The following EML3 variants were observed in gnomAD, a reference collection of about 807,000 sequenced individuals.
EML3 encodes the protein EMAP like 3.
In EML3, 53 loss-of-function variants were observed where a neutral mutation model predicts 106.7. That is an observed-to-expected ratio of 0.50 (90% CI 0.40 to 0.62). The LOEUF (loss-of-function observed/expected upper bound fraction) is 0.62, where lower values mean the gene tolerates loss of function less well. Ranked by LOEUF, EML3 falls within the 20% of genes least tolerant of loss-of-function variation. EML3 has a pLI of 0.00. For synonymous variants in EML3, 499 were observed against 489.6 expected, an observed-to-expected ratio of 1.02 and a Z score of -0.25; for missense variants, 994 against 1,209.1, an observed-to-expected ratio of 0.82 and a Z score of 2.64.
chr11:62,609,382 G>A lies in EML3; in HGVS notation c.730C>T (p.Pro244Ser). ...RSLEELPSGP[P>S]PETLSLDWVY... ...CAGTCAAGGCTGAGGGTCTCTGGCG[G>A]TGGGCCACTCGGCAGCTCCTCAAGG... The change falls in exon 6 of 22, where the codon CCG (proline) becomes TCG (serine). Residue 244 changes from proline to serine, a missense_variant. By Grantham distance (74) the Pro-to-Ser change is moderately conservative (BLOSUM62 -1). Transcript: ENST00000394773. 1.3e-6 allele frequency: 2 copies of A among 1,594,256 alleles called. No individual in the cohort carries two copies. The highest frequency in any genetic ancestry group is 1.7e-6 in the Non-Finnish European group (2 of 1,169,818).
At chr11:62,607,542 GAAAA>G in intron 11 of EML3, 120 bp downstream of exon 11, 2 of 950,660 alleles carry the variant, frequency 2.1e-6, no homozygotes, top group Non-Finnish European at 2.9e-6. Context: ...CGTCTCAAAA[GAAAA>G]AAAAAAAAAG....
rs201006138 is a variant in EML3, at chr11:62,607,744, G to T, written c.1284C>A (p.His428Gln). Residue 428 changes from histidine (H) to glutamine (Q), a missense_variant, in exon 11 of 22, where the codon CAC (histidine) becomes CAA (glutamine). Transcript: ENST00000394773. Reference sequence around the variant, plus strand: ...CACCACTCCAATTCCAGAAGTGGACGTGAGATTTCCCACTGGTGACGATGC... The same window carrying T: ...CACCACTCCAATTCCAGAAGTGGACTTGAGATTTCCCACTGGTGACGATGC... ...SSCIVTSGKSHVHFWNWSGGV... is the reference protein window; with the variant it reads ...SSCIVTSGKSQVHFWNWSGGV... 1 of 1,614,024 alleles carries T rather than the reference G, an allele frequency of 6.2e-7. No individual in the cohort carries two copies. Among genetic ancestry groups the T allele is most frequent in the Admixed American group, 1.7e-5 (1 of 60,008 alleles).
rs895955563 is a variant in EML3 at position 62,611,670 on chromosome 11, A to G, written c.23-74T>C. The G allele has an allele frequency of 2.0e-6, 3 of 1,487,334 alleles. No individual in the cohort carries two copies. In the Admixed American group the frequency reaches 6.7e-5, roughly 33 times the overall value. 92.1% of individuals were successfully genotyped at this position (1,487,334 alleles called of 1,614,324 possible). On this transcript the variant is annotated intron_variant, in intron 1 of 21. Transcript: ENST00000394773. ...AGCGTAGAGGGGATTCTGTCTCCCC[A>G]CAACTTTACATGTGTCCGGTAGGAC...
chr11:62,604,250 G>A (rs746979778), intron 16 of EML3, 49 bp from the exon 17 acceptor site: 1 of 1,587,716 alleles, frequency 6.3e-7, no homozygotes. Context: ...AAGGCAGGAT[G>A]TAAGGAGACC....
chr11:62,606,525 C>T (rs960758092), intron 12 of EML3: 1 of 426,798 alleles, frequency 2.3e-6, no homozygotes. Flanking sequence ...CGCTTCTAGA[C>T]TAGCCCCCAA....
At chr11:62,610,253 A>G (rs1372742562) in intron 4 of EML3, among the ~76,000 whole-genome samples, 1 of 152,238 alleles carries the variant, frequency 6.6e-6, no homozygotes, top group African/African-American at 2.4e-5. Context: ...CTGTCGTTAG[A>G]TAACAGTAAA....
intron 16 of EML3, chr11:62,604,738 TTCTGATGTCG>T (rs1365174361): frequency 1.5e-5 from 3 of 196,158 alleles, no homozygotes; most frequent in Non-Finnish European, 1.1e-5. Flanking sequence ...GCTGAGGGGC[TTCTGATGTCG>T]TCTGAAAAAG....
In EML3 at chr11:62,603,953, G is replaced by A; in HGVS notation, c.2160C>T (p.Gly720=). 6 of 1,613,982 alleles carry A rather than the reference G, an allele frequency of 3.7e-6. No homozygotes were observed. Among genetic ancestry groups the A allele is most frequent in the Non-Finnish European group, 5.1e-6 (6 of 1,180,018 alleles). The change falls in exon 18 of 22, where the codon GGC becomes GGT. Residue 720 remains glycine, a synonymous_variant. Transcript: ENST00000394773. ...SSDGAKSSRF[G]RCMGHSSFIT... The stretch of plus-strand genomic sequence containing the variant: ...ACCCCAACTTCCTCACCATACAGCG[G>A]CCAAAGCGGCTGGATTTGGCACCAT...
Position 62,608,486 on chromosome 11 carries a change from C to A in EML3, c.1110+56G>T, listed in dbSNP as rs78138564. 1,317 of 1,548,378 alleles carry A rather than the reference C, an allele frequency of 8.5e-4. 17 individuals are homozygous for A. In the East Asian group the frequency reaches 0.026, roughly 30 times the overall value. On this transcript the variant is annotated intron_variant, in intron 9 of 21. Transcript: ENST00000394773. Reference sequence around the variant, plus strand: ...ACTTCCAAGGCTTCCTGGTGACATGCAAGAGTGGGGTTCCTAGGCAAGAAT... The same window carrying A: ...ACTTCCAAGGCTTCCTGGTGACATGAAAGAGTGGGGTTCCTAGGCAAGAAT...
At chr11:62,612,293 C>T (rs1942870454) in intron 1 of EML3, 143 bp downstream of exon 1, 1 of 800,316 alleles carries the variant, frequency 1.2e-6, no homozygotes, top group Non-Finnish European at 1.9e-6. Flanking sequence ...GGAGGGCGAC[C>T]GGAGGAACTG....
At chr11:62,611,380 G>A (rs1310737442) in intron 2 of EML3, 36 bp from the exon 3 acceptor site, 2 of 1,613,622 alleles carry the variant, frequency 1.2e-6, no homozygotes, top group Non-Finnish European at 1.7e-6. Context: ...TGAAGCCCCA[G>A]AGGCCCCAAG....
rs747950409 is a variant in EML3 at position 62,610,952 on chromosome 11, G to C, written c.493C>G (p.Arg165Gly). The change falls in exon 4 of 22, where the codon CGG (arginine) becomes GGG (glycine). Residue 165 changes from arginine (R) to glycine (G), a missense_variant. Physicochemically the swap from Arg to Gly is moderately radical, Grantham distance 125 (BLOSUM62 -2). Coordinates refer to ENST00000394773, the MANE Select transcript of EML3 (RefSeq NM_153265.3). ...TTCCTGGAGAGCTTCTGCCGAGGCC[G>C]CTCTGAGGGGGATGAGGAGGAGGAA... ...NSSSSSSPSE[R>G]PRQKLSRKAI... 1.9e-6 allele frequency: 3 copies of C among 1,613,632 alleles called. No individual in the cohort carries two copies. The African/African-American group carries it at 4.0e-5, about 22-fold the overall frequency.
At chr11:62,611,680 A>C in intron 1 of EML3, 84 bp from the exon 2 acceptor site, 1 of 1,452,428 alleles carries the variant, frequency 6.9e-7, no homozygotes, top group Non-Finnish European at 9.2e-7. Flanking sequence ...ACAACTTTAC[A>C]TGTGTCCGGT....
In EML3 at chr11:62,607,284, A is replaced by G. The variant is rs916625011; in HGVS notation, c.1363-185T>C. On this transcript the variant is annotated intron_variant, in intron 11 of 21. Transcript: ENST00000394773. The stretch of plus-strand genomic sequence containing the variant: ...CCAATATGGTGAAATCCCGCACTGC[A>G]CTCCAGCCTGGGTGATAGAGCAAGG... 10 of 623,574 alleles carry G rather than the reference A, an allele frequency of 1.6e-5. No individual in the cohort carries two copies. The Admixed American group carries it at 3.0e-4, about 19-fold the overall frequency. 38.6% of individuals were successfully genotyped at this position (623,574 alleles called of 1,614,324 possible).
At position 62,605,105 on chromosome 11, in the gene EML3, T is replaced by G. The variant is rs774659488; in HGVS notation, c.1982+8A>C. The G allele has an allele frequency of 8.1e-6, 13 of 1,610,632 alleles. No homozygotes were observed. The highest frequency in any genetic ancestry group is 6.6e-5 in the South Asian group (6 of 90,766). Reference sequence around the variant, plus strand: ...CTTTCCCTCCTGGGAGTCCTGGCTCTCTCTCACCTCCCCGTGTTCAGTCCT... The same window carrying G: ...CTTTCCCTCCTGGGAGTCCTGGCTCGCTCTCACCTCCCCGTGTTCAGTCCT... On this transcript the variant is annotated splice_region_variant and intron_variant, in intron 16 of 21. Coordinates refer to ENST00000394773, the MANE Select transcript of EML3 (RefSeq NM_153265.3). The surrounding 1 kb of genome is among the most constrained non-coding windows in gnomAD (Gnocchi z 5.2).
Position 62,606,943 on chromosome 11 carries a change from C to T in EML3, c.1504+15G>A, listed in dbSNP as rs1942552750. 4 of 1,612,340 alleles carry T rather than the reference C, an allele frequency of 2.5e-6. No individual in the cohort carries two copies. The highest frequency in any genetic ancestry group is 1.1e-5 in the South Asian group (1 of 90,940). ...GGAGTACTACACTTCCCAGATGCCCCTCCCAGCCACATACCTTTGGCGCCA... is the reference window on the plus strand; with the variant it reads ...GGAGTACTACACTTCCCAGATGCCCTTCCCAGCCACATACCTTTGGCGCCA... On this transcript the variant is annotated intron_variant, in intron 12 of 21. Coordinates refer to ENST00000394773, the MANE Select transcript of EML3 (RefSeq NM_153265.3).
Position 62,602,611 on chromosome 11 carries a change from G to A in EML3, c.2555C>T (p.Ser852Leu). The stretch of plus-strand genomic sequence containing the variant: ...CTTGCCGCCCAGCGAGACGAGGTGC[G>A]AGTCGTCGTGCGTGAATCGGACGCT... ...VTSVRFTHDD[S>L]HLVSLGGKDA... is the part of the protein sequence containing the mutation. The change falls in exon 22 of 22, where the codon TCG becomes TTG. Residue 852 changes from serine (S) to leucine (L), a missense_variant. Around this residue, in one of 3 missense-constraint regions of EML3, gnomAD observed 713 missense variants for 920.5 expected, o/e 0.77. Coordinates refer to ENST00000394773, the MANE Select transcript of EML3 (RefSeq NM_153265.3). The A allele has an allele frequency of 6.4e-7, 1 of 1,570,986 alleles. No homozygotes were observed. Among genetic ancestry groups the A allele is most frequent in the Non-Finnish European group, 8.6e-7 (1 of 1,161,688 alleles).
intron 12 of EML3, 102 bp downstream of exon 12, chr11:62,606,856 C>CCAAAAAA: frequency 1.1e-6 from 1 of 915,900 alleles, no homozygotes; most frequent in Non-Finnish European, 1.5e-6. Flanking sequence ...GACCTCATCT[C>CCAAAAAA]AAAAAAAAAA....
At chr11:62,607,333 CAA>C in intron 11 of EML3, 3 of 363,518 alleles carry the variant, frequency 8.3e-6, no homozygotes, top group Non-Finnish European at 9.7e-6. Context: ...ACAAAAAAAA[CAA>C]AAAAAAAACG....
Sources: allele counts gnomAD v4.1 joint callset (sites outside exome capture counted in the v4.1 genomes callset), GRCh38; gene constraint gnomAD v4.1.1; regional missense constraint gnomAD v4.1.1; non-coding constraint Gnocchi (gnomAD v3.1); transcripts MANE v1.5; gene names NCBI Gene and HGNC (gene_info 2026-07-23, HGNC 2026-07-21).